Variants in WDPCP observed in about 807,000 individuals in gnomAD.
WDPCP encodes WD repeat-containing and planar cell polarity effector protein fritz homolog.
A neutral mutation model predicts 93.1 loss-of-function variants in WDPCP; 71 were observed. That is an observed-to-expected ratio of 0.76 (90% CI 0.63 to 0.93). WDPCP has a LOEUF of 0.93. Ranked by LOEUF, WDPCP falls within the 40% of genes least tolerant of loss-of-function variation. The pLI is 0.00. For missense variants in WDPCP, 844 were observed against 887.4 expected, an observed-to-expected ratio of 0.95 and a Z score of 0.62; for synonymous variants, 315 against 315.0, an observed-to-expected ratio of 1.00 and a Z score of 0.00.
intron 1 of WDPCP, among the ~76,000 whole-genome samples, chr2:63,526,516 T>TCTTG (rs1422176236): frequency 1.2e-4 from 18 of 152,330 alleles, no homozygotes; most frequent in South Asian, 4.1e-4. Context: ...AACTCAAACC[T>TCTTG]CTTGCCATGA....
chr2:63,532,638 C>A (rs1306492685), intron 1 of WDPCP, among the ~76,000 whole-genome samples: 2 of 152,080 alleles, frequency 1.3e-5, no homozygotes, highest in Non-Finnish European at 1.5e-5. Context: ...GAAATAAAAG[C>A]CTTTACAGAC....
At chr2:63,367,917 G>C (rs1216980414) in intron 12 of WDPCP, among the ~76,000 whole-genome samples, 1 of 152,160 alleles carries the variant, frequency 6.6e-6, no homozygotes, top group Non-Finnish European at 1.5e-5. Context: ...TCACAAAAGT[G>C]ATGTATTTTT....
chr2:63,208,949 T>TG (rs1282935345), intron 14 of WDPCP, among the ~76,000 whole-genome samples: 1 of 152,056 alleles, frequency 6.6e-6, no homozygotes, highest in Non-Finnish European at 1.5e-5. Flanking sequence ...CCACACTGCT[T>TG]CCCCCCAGTT....
At chr2:63,527,195 T>TTA (rs1012154692) in intron 1 of WDPCP, among the ~76,000 whole-genome samples, 5 of 151,952 alleles carry the variant, frequency 3.3e-5, no homozygotes, top group African/African-American at 1.2e-4. Context: ...TCAAGCTAGT[T>TTA]TACTAACAGA....
At chr2:63,210,061 C>A (rs1337438095) in intron 14 of WDPCP, among the ~76,000 whole-genome samples, 1 of 151,790 alleles carries the variant, frequency 6.6e-6, no homozygotes, top group Non-Finnish European at 1.5e-5. Flanking sequence ...ATTAACTTGT[C>A]ATTAGAAAGA....
At chr2:63,124,109 T>C (rs75002032) in intron 17 of WDPCP, among the ~76,000 whole-genome samples, 1 of 151,310 alleles carries the variant, frequency 6.6e-6, no homozygotes, top group Admixed American at 6.6e-5. Flanking sequence ...TTTTTTTTTT[T>C]CTGTTTGTAG....
chr2:63,575,429 T>TGTATATACAGTGTATACACTGTATATCA (rs1707925390), intron 1 of WDPCP, among the ~76,000 whole-genome samples: 2 of 1,802 alleles, frequency 1.1e-3, no homozygotes, highest in Admixed American at 0.014. Flanking sequence ...CTGTATACAG[T>TGTATATACAGTGTATACACTGTATATCA]GTATATACAG....
At chr2:63,230,695 G>A (rs1367596357) in intron 14 of WDPCP, among the ~76,000 whole-genome samples, 3 of 152,140 alleles carry the variant, frequency 2.0e-5, no homozygotes, top group South Asian at 2.1e-4. Context: ...CAGTGATGAT[G>A]AGCATTTTTT....
intron 2 of WDPCP, among the ~76,000 whole-genome samples, chr2:63,713,916 T>A (rs1558892025): frequency 6.6e-6 from 1 of 152,174 alleles, no homozygotes; most frequent in Non-Finnish European, 1.5e-5. Context: ...TAATTTGAGA[T>A]TCCTTCCCCT....
At chr2:63,748,798 T>C (rs1669836085) in intron 2 of WDPCP, among the ~76,000 whole-genome samples, 1 of 152,118 alleles carries the variant, frequency 6.6e-6, no homozygotes, top group African/African-American at 2.4e-5. Flanking sequence ...TGTTGTGTTT[T>C]TGTTGTGAGT....
intron 13 of WDPCP, among the ~76,000 whole-genome samples, chr2:63,300,895 C>T (rs1297000584): frequency 6.6e-6 from 1 of 151,852 alleles, no homozygotes. Flanking sequence ...CTAGAGAGTA[C>T]GTGGCATTTC....
chr2:63,198,740 A>G (rs141850098), intron 14 of WDPCP, among the ~76,000 whole-genome samples: 201 of 152,312 alleles, frequency 1.3e-3, no homozygotes, highest in African/African-American at 4.5e-3. Context: ...AGTTCTTTAT[A>G]GCAGTGTGAG....
chr2:63,485,209 A>T (rs1425309936), intron 4 of WDPCP, among the ~76,000 whole-genome samples: 1 of 151,898 alleles, frequency 6.6e-6, no homozygotes, highest in African/African-American at 2.4e-5. Flanking sequence ...AATGACAACC[A>T]ACAAGGCTTG....
At chr2:63,626,478 A>T (rs1196675304) in intron 3 of WDPCP, among the ~76,000 whole-genome samples, 1 of 152,248 alleles carries the variant, frequency 6.6e-6, no homozygotes, top group Non-Finnish European at 1.5e-5. Context: ...CAAAGAACTT[A>T]AACAAATTTA....
chr2:63,588,804 A>T (rs1297362324), upstream of WDPCP: 1 of 590,830 alleles, frequency 1.7e-6, no homozygotes, highest in African/African-American at 1.9e-5. Context: ...CGCAGTGAGA[A>T]GAGCTTGAAA....
intron 2 of WDPCP, among the ~76,000 whole-genome samples, chr2:63,701,815 G>A (rs1315560513): frequency 3.3e-5 from 5 of 152,126 alleles, no homozygotes; most frequent in Admixed American, 2.6e-4. Flanking sequence ...TCATGAAATA[G>A]AGAACAGATT....
intron 9 of WDPCP, among the ~76,000 whole-genome samples, chr2:63,411,840 T>C (rs1695044607): frequency 6.6e-6 from 1 of 152,034 alleles, no homozygotes; most frequent in South Asian, 2.1e-4. Context: ...AAGAATTAGA[T>C]ACCCTGAACA....
In WDPCP at chr2:63,679,684, G is replaced by A. The variant is rs925885970; in HGVS notation, n.309-28846C>T. On this transcript the variant is annotated intron_variant and non_coding_transcript_variant, in intron 2 of 4. Transcript: ENST00000467687. ...ATTTCTTTGCAGCTTCCACGACCTC[G>A]TTAGTAGGTTTCTAGTTAGTCGGAT... is the stretch of plus-strand genomic sequence containing the variant. 4.6e-5 allele frequency among the ~76,000 whole-genome samples: 7 copies of A among 152,160 alleles called. 1 individual carries two copies. The highest frequency in any genetic ancestry group is 1.9e-4 in the East Asian group (1 of 5,146).
At chr2:63,639,509 C>T (rs1709958256) in intron 3 of WDPCP, among the ~76,000 whole-genome samples, 1 of 152,158 alleles carries the variant, frequency 6.6e-6, no homozygotes, top group Non-Finnish European at 1.5e-5. Context: ...GAGGGGCACA[C>T]TGAGAGTCAA....
Sources: gnomAD v4.1 joint callset for allele counts (sites outside exome capture counted in the v4.1 genomes callset) on GRCh38, gnomAD v4.1.1 for gene constraint, MANE v1.5 for transcripts, NCBI Gene and HGNC (gene_info 2026-07-23, HGNC 2026-07-21) for gene names.